CCDC69: variants seen among roughly 807,000 people sequenced by gnomAD.
The protein encoded by CCDC69 is coiled-coil domain-containing protein 69.
CCDC69 carries 38 observed loss-of-function variants against 40.3 expected under a neutral mutation model. The ratio of observed to expected loss-of-function variants is 0.94; its 90% CI spans 0.73 to 1.24. The LOEUF is 1.24. Among genes scored for constraint, CCDC69 ranks in the 50% most tolerant of loss-of-function variants. The probability of loss-of-function intolerance (pLI) is 0.00; values close to 1 mark genes in which losing one functional copy is unlikely to be tolerated. For missense variants in CCDC69, 389 were observed against 357.9 expected (o/e 1.09, Z -0.70); for synonymous variants, 141 against 138.9 (o/e 1.02, Z -0.11).
intron 1 of CCDC69, among the ~76,000 whole-genome samples, chr5:151,213,202 T>G (rs1752977739): frequency 6.6e-6 from 1 of 152,196 alleles, no homozygotes; most frequent in African/African-American, 2.4e-5. Flanking sequence ...TGTAGTCACA[T>G]ACTCAAGCCT....
At chr5:151,216,255 G>A (rs531730249) in intron 1 of CCDC69, among the ~76,000 whole-genome samples, 13 of 151,808 alleles carry the variant, frequency 8.6e-5, no homozygotes, top group Admixed American at 3.3e-4. Flanking sequence ...CACCATGCCC[G>A]GCCAACTATT....
chr5:151,215,602 G>C (rs1753025562), intron 1 of CCDC69: 1 of 406,324 alleles, frequency 2.5e-6, no homozygotes, highest in Non-Finnish European at 5.2e-6. Flanking sequence ...CAGGAGGCCT[G>C]GGTGAGAACC....
intron 2 of CCDC69, 108 bp downstream of exon 2, chr5:151,205,292 C>G (rs1752837508): frequency 1.1e-6 from 1 of 903,988 alleles, no homozygotes; most frequent in Admixed American, 2.1e-5. Flanking sequence ...ATTAAGGTAA[C>G]CTATCTGAGA....
At chr5:151,203,575 A>G (rs1364515947) in intron 2 of CCDC69, among the ~76,000 whole-genome samples, 1 of 143,766 alleles carries the variant, frequency 7.0e-6, no homozygotes, top group Admixed American at 7.1e-5. Flanking sequence ...TATTTAATAT[A>G]TAGTAAATAT....
chr5:151,208,819 G>A (rs1752889104), intron 1 of CCDC69, among the ~76,000 whole-genome samples: 1 of 152,226 alleles, frequency 6.6e-6, no homozygotes, highest in Admixed American at 6.5e-5. Flanking sequence ...ACAAACTTGG[G>A]CAAATCCCTT....
chr5:151,189,082 A>G (rs1044515152), intron 4 of CCDC69, among the ~76,000 whole-genome samples: 2 of 152,244 alleles, frequency 1.3e-5, no homozygotes, highest in African/African-American at 4.8e-5. Context: ...TCCCTTGAGG[A>G]AAGATATTCA....
chr5:151,223,869 G>A, intron 1 of CCDC69, 54 bp downstream of exon 1: 1 of 1,556,932 alleles, frequency 6.4e-7, no homozygotes, highest in Non-Finnish European at 8.7e-7. Context: ...GCGGCGGAGC[G>A]ATTCCGCACT....
At chr5:151,186,272 G>A (rs565299705) in intron 5 of CCDC69, 148 bp from the exon 6 acceptor site, 140 of 643,476 alleles carry the variant, frequency 2.2e-4, no homozygotes, top group Admixed American at 8.1e-4. Context: ...AACATACTTC[G>A]ACCACTGCTT....
At position 151,181,356 on chromosome 5, in the gene CCDC69, A is replaced by G. The variant is rs781176283; in HGVS notation, c.*2081T>C. On this transcript the variant is annotated 3_prime_UTR_variant, in exon 9 of 9. Transcript: ENST00000355417. ...CTCAGCCTCCCAAGCTGCTGGGACTACAGGCGCCCACCACCACGCCAAGCT... is the reference window on the plus strand; with the variant it reads ...CTCAGCCTCCCAAGCTGCTGGGACTGCAGGCGCCCACCACCACGCCAAGCT... 1.3e-5 allele frequency: 2 copies of G among 152,186 alleles called. No homozygotes were observed. The highest frequency in any genetic ancestry group is 2.9e-5 in the Non-Finnish European group (2 of 68,126). The allele number at this position is 152,186 out of a possible 1,614,324, so 9.4% of individuals were successfully genotyped here.
chr5:151,185,504 A>T lies in CCDC69; in HGVS notation c.533T>A (p.Leu178Gln), dbSNP rs1343054071. The T allele has an allele frequency of 6.2e-7, 1 of 1,613,964 alleles. No homozygotes were observed. Among genetic ancestry groups the T allele is most frequent in the African/African-American group, 1.3e-5 (1 of 74,928 alleles). The change falls in exon 7 of 9, where the codon CTG (leucine) becomes CAG (glutamine). Residue 178 changes from leucine (L) to glutamine (Q), a missense_variant. Leu to Gln is a moderately radical substitution (Grantham distance 113). Transcript: ENST00000355417. ...CTCGATGACAAAGTGTAAGCTCTCC[A>T]GCTCCTGCTCCCAGAACTGGCTGGG... The part of the protein sequence containing the change: ...GSPSQFWEQE[L>Q]ESLHFVIEMK...
chr5:151,221,459 T>G (rs1045243268), intron 1 of CCDC69, among the ~76,000 whole-genome samples: 8 of 152,212 alleles, frequency 5.3e-5, no homozygotes, highest in Non-Finnish European at 8.8e-5. Flanking sequence ...ATGCTCCTAC[T>G]GCTCCCTGGG....
At chr5:151,211,421 G>A (rs1322951705) in intron 1 of CCDC69, among the ~76,000 whole-genome samples, 1 of 152,034 alleles carries the variant, frequency 6.6e-6, no homozygotes, top group African/African-American at 2.4e-5. Context: ...TGTGGTCTAT[G>A]GACCTCCTGT....
intron 1 of CCDC69, among the ~76,000 whole-genome samples, chr5:151,218,326 G>T (rs1753082267): frequency 6.6e-6 from 1 of 152,148 alleles, no homozygotes; most frequent in Non-Finnish European, 1.5e-5. Context: ...TGCAGTGGGG[G>T]CTCCCAGTCT....
rs1295264463 is a variant in CCDC69 at position 151,199,006 on chromosome 5, C to T, written c.310G>A (p.Ala104Thr). The T allele has an allele frequency of 2.5e-6, 4 of 1,613,804 alleles. No homozygotes were observed. Among genetic ancestry groups the T allele is most frequent in the Admixed American group, 3.3e-5 (2 of 60,020 alleles). The change falls in exon 4 of 9, where the codon GCC becomes ACC. Residue 104 changes from alanine (A) to threonine (T), a missense_variant. Physicochemically the swap from Ala to Thr is moderately conservative, Grantham distance 58. Coordinates refer to ENST00000355417, the MANE Select transcript of CCDC69 (RefSeq NM_015621.3). ...ACATCTCTACCCTTACCTTGCAGGG[C>T]CTCTTCATTCTTTCCTTCCAGGACC... ...QRVLEGKNEE[A>T]LQVLRASYEQ... is the part of the protein sequence containing the mutation.
chr5:151,217,986 G>A (rs1299255970), intron 1 of CCDC69, among the ~76,000 whole-genome samples: 1 of 144,184 alleles, frequency 6.9e-6, no homozygotes, highest in Non-Finnish European at 1.5e-5. Context: ...TGTACACTCA[G>A]TGAAAAAAAA....
Position 151,181,159 on chromosome 5 carries a change from T to C in CCDC69, c.*2278A>G, listed in dbSNP as rs1286748044. The C allele has an allele frequency of 6.6e-6, 1 of 152,250 alleles. No individual in the cohort carries two copies. The highest frequency in any genetic ancestry group is 2.4e-5 in the African/African-American group (1 of 41,444). The allele number at this position is 152,250 out of a possible 1,614,324, so 9.4% of individuals were successfully genotyped here. ...ACAGGCTGCGTGAGGGAAGCCTGGC[T>C]CCCCACAACTTGCTCCTTCTCCAGC... On this transcript the variant is annotated 3_prime_UTR_variant, in exon 9 of 9. Transcript: ENST00000355417.
At chr5:151,189,682 C>T (rs1752580447) in intron 4 of CCDC69, among the ~76,000 whole-genome samples, 1 of 152,104 alleles carries the variant, frequency 6.6e-6, no homozygotes. Context: ...AATCCACACC[C>T]AGACAACATC....
At chr5:151,188,952 C>A (rs1046193179) in intron 4 of CCDC69, among the ~76,000 whole-genome samples, 1 of 152,164 alleles carries the variant, frequency 6.6e-6, no homozygotes, top group Non-Finnish European at 1.5e-5. Context: ...ACTGACCCAA[C>A]AGATTTAGAC....
In CCDC69 at chr5:151,184,437, T is replaced by C. The variant is rs746914332; in HGVS notation, c.620A>G (p.Glu207Gly). Residue 207 changes from glutamate to glycine, a missense_variant, in exon 8 of 9, where the codon GAG (glutamate) becomes GGG (glycine). Transcript: ENST00000355417. Reference sequence around the variant, plus strand: ...TTTTTCCTCCAATATCAGATTTTTCTCTTTCTATAACAATGAGAATGAGCT... The same window carrying C: ...TTTTTCCTCCAATATCAGATTTTTCCCTTTCTATAACAATGAGAATGAGCT... ...RRLILMETVKEKNLILEEKIT... is the reference protein window; with the variant it reads ...RRLILMETVKGKNLILEEKIT... 4 of 1,609,330 alleles carry C rather than the reference T, an allele frequency of 2.5e-6. No individual in the cohort carries two copies. The South Asian group carries it at 4.4e-5, about 18-fold the overall frequency.
Sources: allele counts gnomAD v4.1 joint callset (sites outside exome capture counted in the v4.1 genomes callset), GRCh38; gene constraint gnomAD v4.1.1; transcripts MANE v1.5; gene names NCBI Gene and HGNC (gene_info 2026-07-23, HGNC 2026-07-21).